The following C16orf86 variants were observed in gnomAD, a reference collection of about 807,000 sequenced individuals.
C16orf86 encodes the protein chromosome 16 open reading frame 86.
A neutral mutation model predicts 21.5 loss-of-function variants in C16orf86; 19 were observed. The ratio of observed to expected loss-of-function variants is 0.88; its 90% CI spans 0.62 to 1.30. The LOEUF is 1.30. C16orf86 is among the 50% of genes most tolerant of loss of function. C16orf86 has a pLI of 0.00. For missense variants in C16orf86, 391 were observed against 415.8 expected (o/e 0.94, Z 0.52); for synonymous variants, 188 against 183.5 (o/e 1.02, Z -0.20).
Position 67,668,049 on chromosome 16 carries a change from C to A in C16orf86, c.504C>A (p.His168Gln), listed in dbSNP as rs757148189. The A allele has an allele frequency of 1.2e-6, 2 of 1,612,776 alleles. No individual in the cohort carries two copies. The highest frequency in any genetic ancestry group is 4.5e-5 in the East Asian group (2 of 44,788). The change falls in exon 3 of 4, where the codon CAC becomes CAA. Residue 168 changes from histidine (H) to glutamine (Q), a missense_variant. Coordinates refer to ENST00000403458, the MANE Select transcript of C16orf86 (RefSeq NM_001012984.3). Reference protein sequence around the residue: ...KRKSLGAPVLHAVASMVSAPL... With the variant: ...KRKSLGAPVLQAVASMVSAPL... ...AGAGCCTGGGGGCTCCCGTGCTCCACGCTGTGGCCAGCATGGTGTCTGCAC... is the reference window on the plus strand; with the variant it reads ...AGAGCCTGGGGGCTCCCGTGCTCCAAGCTGTGGCCAGCATGGTGTCTGCAC...
chr16:67,667,156 C>T, intron 1 of C16orf86, 84 bp downstream of exon 1: 1 of 1,430,116 alleles, frequency 7.0e-7, no homozygotes, highest in Admixed American at 2.1e-5. Flanking sequence ...CGCTAACTGC[C>T]AGGCTGGGCC....
At position 67,668,022 on chromosome 16, in the gene C16orf86, C is replaced by G. The variant is rs767861990; in HGVS notation, c.477C>G (p.Arg159=). ...AACAGCACAAAAAAGCCAAGAAGCG[C>G]AAGAGCCTGGGGGCTCCCGTGCTCC... ...SAKQHKKAKK[R]KSLGAPVLHA... Residue 159 remains arginine, a synonymous_variant, in exon 3 of 4, where the codon CGC becomes CGG. Transcript: ENST00000403458. 1.9e-6 allele frequency: 3 copies of G among 1,613,542 alleles called. No individual in the cohort carries two copies. In the Admixed American group the frequency reaches 5.0e-5, roughly 27 times the overall value.
At chr16:67,667,831 G>A (rs1439157746) in intron 2 of C16orf86, 47 bp from the exon 3 acceptor site, 2 of 1,520,194 alleles carry the variant, frequency 1.3e-6, no homozygotes, top group Admixed American at 2.2e-5. Context: ...GCCAGGGAAT[G>A]GGAGCCAGGG....
rs763780574 is a variant in C16orf86, at chr16:67,668,508, G to A, written c.862G>A (p.Glu288Lys). The A allele has an allele frequency of 8.7e-6, 14 of 1,613,378 alleles. No individual in the cohort carries two copies. The Middle Eastern group carries it at 8.2e-4, about 95-fold the overall frequency. The change falls in exon 4 of 4, where the codon GAG (glutamate) becomes AAG (lysine). Residue 288 changes from glutamate to lysine, a missense_variant. Coordinates refer to ENST00000403458, the MANE Select transcript of C16orf86 (RefSeq NM_001012984.3). ...CTTGGGGGTGAGTGACCACAAGGCC[G>A]AGGTGGATAAGTCAACCCAGGTGGA... ...PSLGVSDHKAEVDKSTQVDID... is the reference protein window; with the variant it reads ...PSLGVSDHKAKVDKSTQVDID...
At chr16:67,667,806 TG>T in intron 2 of C16orf86, 71 bp from the exon 3 acceptor site, 1 of 1,518,702 alleles carries the variant, frequency 6.6e-7, no homozygotes, top group Non-Finnish European at 8.8e-7. Context: ...GTGGGCAGGC[TG>T]GGCTATTCCC....
Position 67,667,493 on chromosome 16 carries a change from G to A in C16orf86, c.300G>A (p.Arg100=). The change falls in exon 2 of 4, where the codon AGG becomes AGA. Residue 100 remains arginine (R), a synonymous_variant. Coordinates refer to ENST00000403458, the MANE Select transcript of C16orf86 (RefSeq NM_001012984.3). The part of the protein sequence containing the change: ...RGPRPVVSIV[R]PRHGPKRKPV... ...CCAGGCCCGTGGTCTCCATTGTGAG[G>A]CCCCGTCATGGTCCAAAGAGAAAGC... The A allele has an allele frequency of 6.2e-7, 1 of 1,608,146 alleles. No homozygotes were observed. Among genetic ancestry groups the A allele is most frequent in the Non-Finnish European group, 8.5e-7 (1 of 1,177,636 alleles).
chr16:67,668,639 T>C lies in C16orf86; in HGVS notation c.*39T>C, dbSNP rs768442177. 6.2e-7 allele frequency: 1 copy of C among 1,601,568 alleles called. No homozygotes were observed. The highest frequency in any genetic ancestry group is 2.2e-5 in the East Asian group (1 of 44,752). ...CTGGTGGCTCCCCTCCTTCCACGCC[T>C]GAATTTGGCTTCAGGCTTCCTGTGG... On this transcript the variant is annotated 3_prime_UTR_variant, in exon 4 of 4. Transcript: ENST00000403458.
rs1483742813 is a variant in C16orf86, at chr16:67,666,878, C to T, written c.-93C>T. 4.6e-5 allele frequency: 40 copies of T among 861,330 alleles called. No homozygotes were observed. Among genetic ancestry groups the T allele is most frequent in the Non-Finnish European group, 6.0e-5 (36 of 604,832 alleles). The allele number at this position is 861,330 out of a possible 1,614,324, so 53.4% of individuals were successfully genotyped here. On this transcript the variant is annotated 5_prime_UTR_variant, in exon 1 of 4. Transcript: ENST00000403458. ...CTCTTCCCAGCTCTGCCCTCGCTTG[C>T]TGGCCGGTCTCCGGGGTCAGCGCGG...
In C16orf86 at chr16:67,667,372, C is replaced by A; in HGVS notation, c.179C>A (p.Ala60Glu). ...ACCCAGAGTGAAGACCAGCGCCCAG[C>A]AGGCGCAGCTTCGGAGTCGGAGCTC... ...RGTQSEDQRPAGAASESELQE... is the reference protein window; with the variant it reads ...RGTQSEDQRPEGAASESELQE... The change falls in exon 2 of 4, where the codon GCA becomes GAA. Residue 60 changes from alanine (A) to glutamate (E), a missense_variant. Coordinates refer to ENST00000403458, the MANE Select transcript of C16orf86 (RefSeq NM_001012984.3). 1 of 1,612,646 alleles carries A rather than the reference C, an allele frequency of 6.2e-7. No homozygotes were observed. Among genetic ancestry groups the A allele is most frequent in the Non-Finnish European group, 8.5e-7 (1 of 1,179,832 alleles).
At chr16:67,668,135 G>A in intron 3 of C16orf86, 37 bp downstream of exon 3, 1 of 1,598,248 alleles carries the variant, frequency 6.3e-7, no homozygotes. Context: ...TTCTCCCCCT[G>A]CCTGTGGGGC....
At position 67,667,897 on chromosome 16, in the gene C16orf86, C is replaced by G; in HGVS notation, c.352C>G (p.Leu118Val). ...KPVKSLSLPG[L>V]RAHLKAEAEL... ...GCTCAGGTCTCTCAGCCTCCCGGGC[C>G]TTCGTGCCCATCTTAAGGCTGAAGC... The change falls in exon 3 of 4, where the codon CTT becomes GTT. Residue 118 changes from leucine to valine, a missense_variant. Physicochemically the swap from Leu to Val is conservative, Grantham distance 32. Coordinates refer to ENST00000403458, the MANE Select transcript of C16orf86 (RefSeq NM_001012984.3). 6.2e-7 allele frequency: 1 copy of G among 1,603,726 alleles called. No homozygotes were observed. Among genetic ancestry groups the G allele is most frequent in the Non-Finnish European group, 8.5e-7 (1 of 1,175,470 alleles).
In C16orf86 at chr16:67,668,000, A is replaced by C; in HGVS notation, c.455A>C (p.Gln152Pro). Reference protein sequence around the residue: ...SQSEPSPSAKQHKKAKKRKSL... With the variant: ...SQSEPSPSAKPHKKAKKRKSL... ...AGTGAGCCCTCACCATCTGCCAAACAGCACAAAAAAGCCAAGAAGCGCAAG... is the reference window on the plus strand; with the variant it reads ...AGTGAGCCCTCACCATCTGCCAAACCGCACAAAAAAGCCAAGAAGCGCAAG... Residue 152 changes from glutamine (Q) to proline (P), a missense_variant, in exon 3 of 4, where the codon CAG becomes CCG. Coordinates refer to ENST00000403458, the MANE Select transcript of C16orf86 (RefSeq NM_001012984.3). 1.2e-6 allele frequency: 2 copies of C among 1,613,604 alleles called. No homozygotes were observed.
In C16orf86 at chr16:67,668,038, C is replaced by A; in HGVS notation, c.493C>A (p.Pro165Thr). The change falls in exon 3 of 4, where the codon CCC becomes ACC. Residue 165 changes from proline to threonine, a missense_variant. Pro to Thr is a conservative substitution (Grantham distance 38, BLOSUM62 -1). Transcript: ENST00000403458. ...CAAGAAGCGCAAGAGCCTGGGGGCT[C>A]CCGTGCTCCACGCTGTGGCCAGCAT... ...KAKKRKSLGA[P>T]VLHAVASMVS... is the part of the protein sequence containing the mutation. 6.2e-7 allele frequency: 1 copy of A among 1,612,482 alleles called. No individual in the cohort carries two copies. Among genetic ancestry groups the A allele is most frequent in the East Asian group, 2.2e-5 (1 of 44,732 alleles).
rs2053111578 is a variant in C16orf86 at position 67,666,900 on chromosome 16, G to T, written c.-71G>T. ...TTGCTGGCCGGTCTCCGGGGTCAGCGCGGGGCCACCATCCAGCCCCTTGGG... is the reference window on the plus strand; with the variant it reads ...TTGCTGGCCGGTCTCCGGGGTCAGCTCGGGGCCACCATCCAGCCCCTTGGG... On this transcript the variant is annotated 5_prime_UTR_variant, in exon 1 of 4. Coordinates refer to ENST00000403458, the MANE Select transcript of C16orf86 (RefSeq NM_001012984.3). 9.2e-7 allele frequency: 1 copy of T among 1,083,836 alleles called. No homozygotes were observed. The highest frequency in any genetic ancestry group is 1.9e-5 in the South Asian group (1 of 52,886). The allele number at this position is 1,083,836 out of a possible 1,614,324, so 67.1% of individuals were successfully genotyped here.
In C16orf86 at chr16:67,668,065, G is replaced by C; in HGVS notation, c.520G>C (p.Val174Leu). 6.2e-7 allele frequency: 1 copy of C among 1,612,822 alleles called. No individual in the cohort carries two copies. Among genetic ancestry groups the C allele is most frequent in the Non-Finnish European group, 8.5e-7 (1 of 1,179,744 alleles). The change falls in exon 3 of 4, where the codon GTG becomes CTG. Residue 174 changes from valine (V) to leucine (L), a missense_variant. Coordinates refer to ENST00000403458, the MANE Select transcript of C16orf86 (RefSeq NM_001012984.3). ...APVLHAVASM[V>L]SAPLETLRLE... ...CGTGCTCCACGCTGTGGCCAGCATG[G>C]TGTCTGCACCCTTAGAGACATTGAG...
intron 1 of C16orf86, 77 bp downstream of exon 1, chr16:67,667,149 T>C (rs2053115106): frequency 7.0e-7 from 1 of 1,435,912 alleles, no homozygotes; most frequent in Admixed American, 2.1e-5. Context: ...CCCGACCCGC[T>C]AACTGCCAGG....
chr16:67,667,848 C>T, intron 2 of C16orf86, 30 bp from the exon 3 acceptor site: 3 of 1,532,176 alleles, frequency 2.0e-6, no homozygotes, highest in Non-Finnish European at 2.6e-6. Context: ...AGGGCTGGAG[C>T]CTGGCTCAAG....
intron 1 of C16orf86, 75 bp from the exon 2 acceptor site, chr16:67,667,221 C>A: frequency 6.7e-7 from 1 of 1,486,872 alleles, no homozygotes. Context: ...CGGTGTCTAA[C>A]GTTAGGTGTT....
rs1398300217 is a variant in C16orf86, at chr16:67,667,308, G to A, written c.115G>A (p.Gly39Arg). The A allele has an allele frequency of 6.2e-7, 1 of 1,611,394 alleles. No homozygotes were observed. Among genetic ancestry groups the A allele is most frequent in the East Asian group, 2.2e-5 (1 of 44,830 alleles). Residue 39 changes from glycine (G) to arginine (R), a missense_variant, in exon 2 of 4, where the codon GGA becomes AGA. Coordinates refer to ENST00000403458, the MANE Select transcript of C16orf86 (RefSeq NM_001012984.3). ...GTGTCATCTCTAGTGTCCAGTGGCG[G>A]GAGACCAGTTCCTGGTGCCTGCCCA... ...SAQTSECPVA[G>R]DQFLVPAHEA...
Sources: allele counts gnomAD v4.1 joint callset, GRCh38; gene constraint gnomAD v4.1.1; transcripts MANE v1.5; gene names NCBI Gene and HGNC (gene_info 2026-07-23, HGNC 2026-07-21).